Variants in E2F3 observed in about 807,000 individuals in gnomAD.
E2F3 encodes E2F transcription factor 3, also known as transcription factor E2F3.
A neutral mutation model predicts 44.4 loss-of-function variants in E2F3; 11 were observed. The ratio of observed to expected loss-of-function variants is 0.25; its 90% CI spans 0.16 to 0.41. The LOEUF (loss-of-function observed/expected upper bound fraction) is 0.41, where lower values mean the gene tolerates loss of function less well. E2F3 is among the 10% of genes least tolerant of loss of function. E2F3 has a pLI of 1.00. For synonymous variants in E2F3, 249 were observed against 253.0 expected, an observed-to-expected ratio of 0.98 and a Z score of 0.15; for missense variants, 487 against 583.6, an observed-to-expected ratio of 0.83 and a Z score of 1.70.
intron 4 of E2F3, 127 bp downstream of exon 4, chr6:20,483,047 G>T: frequency 7.6e-7 from 1 of 1,319,640 alleles, no homozygotes; most frequent in Non-Finnish European, 1.1e-6. Context: ...CTGTGTGCCT[G>T]TGTGTGTATG....
In E2F3 at chr6:20,468,320, G is replaced by A. The variant is rs181743973; in HGVS notation, c.394-11526G>A. Among the ~76,000 whole-genome samples, 13 of 152,290 alleles carry A rather than the reference G, an allele frequency of 8.5e-5. No individual in the cohort carries two copies. In the East Asian group the frequency reaches 1.7e-3, roughly 20 times the overall value. On this transcript the variant is annotated intron_variant, in intron 1 of 6. Transcript: ENST00000346618. Reference sequence around the variant, plus strand: ...ACCTGCTGTAAATCGGGGTTCCCGCGGCCCATTCCTCAGATTCAGTTAATT... The same window carrying A: ...ACCTGCTGTAAATCGGGGTTCCCGCAGCCCATTCCTCAGATTCAGTTAATT...
intron 1 of E2F3, among the ~76,000 whole-genome samples, chr6:20,475,014 C>T (rs1024117402): frequency 6.6e-6 from 1 of 152,202 alleles, no homozygotes; most frequent in Non-Finnish European, 1.5e-5. Flanking sequence ...CCTATAAGTC[C>T]ACCCCAAGTT....
At chr6:20,438,747 C>T (rs1760674877) in intron 1 of E2F3, among the ~76,000 whole-genome samples, 1 of 152,154 alleles carries the variant, frequency 6.6e-6, no homozygotes, top group African/African-American at 2.4e-5. Context: ...GCAATTTGGG[C>T]ACCAGAGTGG....
intron 1 of E2F3, among the ~76,000 whole-genome samples, chr6:20,445,982 C>T (rs1414825167): frequency 6.6e-6 from 1 of 152,188 alleles, no homozygotes; most frequent in African/African-American, 2.4e-5. Flanking sequence ...TCGTACACAG[C>T]CAGAGTCACT....
chr6:20,484,437 G>A lies in E2F3; in HGVS notation c.884+1517G>A, dbSNP rs772922054. Reference sequence around the variant, plus strand: ...TTTTACACTTGATCTTAGCCAAAAGGCCAAGAAGTGATGAGTTTTTATTTT... The same window carrying A: ...TTTTACACTTGATCTTAGCCAAAAGACCAAGAAGTGATGAGTTTTTATTTT... On this transcript the variant is annotated intron_variant, in intron 4 of 6. Coordinates refer to ENST00000346618, the MANE Select transcript of E2F3 (RefSeq NM_001949.5). Among the ~76,000 whole-genome samples, 79 of 152,164 alleles carry A rather than the reference G, an allele frequency of 5.2e-4. 1 individual carries two copies. The highest frequency in any genetic ancestry group is 1.5e-4 in the Non-Finnish European group (10 of 68,036).
At chr6:20,461,347 A>G (rs958895294) in intron 1 of E2F3, among the ~76,000 whole-genome samples, 1 of 152,052 alleles carries the variant, frequency 6.6e-6, no homozygotes, top group Non-Finnish European at 1.5e-5. Context: ...CAAAAAACTT[A>G]GCCAGTTGTG....
chr6:20,447,730 C>T (rs1760996954), intron 1 of E2F3, among the ~76,000 whole-genome samples: 1 of 152,176 alleles, frequency 6.6e-6, no homozygotes, highest in South Asian at 2.1e-4. Flanking sequence ...CACATTCATT[C>T]ATTGTAAACA....
intron 1 of E2F3, chr6:20,403,691 CCT>C (rs1561843812): frequency 3.3e-6 from 2 of 606,018 alleles, no homozygotes; most frequent in Non-Finnish European, 5.5e-6. Context: ...CGCCACCCTC[CCT>C]CTCCTCTCCC....
chr6:20,402,988 G>A lies in E2F3; in HGVS notation c.393+363G>A, dbSNP rs1368920479. 6.6e-6 allele frequency among the ~76,000 whole-genome samples: 1 copy of A among 152,140 alleles called. No homozygotes were observed. The highest frequency in any genetic ancestry group is 2.4e-5 in the African/African-American group (1 of 41,434). On this transcript the variant is annotated intron_variant, in intron 1 of 6. Transcript: ENST00000346618. The surrounding 1 kb of genome is among the most constrained non-coding windows in gnomAD (Gnocchi z 5.6). ...CGGGCGTAGGAAGGGGTCACGCCCCGGATGGAGAAGGGGGTGGGGGAGGGA... is the reference window on the plus strand; with the variant it reads ...CGGGCGTAGGAAGGGGTCACGCCCCAGATGGAGAAGGGGGTGGGGGAGGGA...
Position 20,457,218 on chromosome 6 carries a change from AGGCTG to A in E2F3, c.394-22626_394-22622del, listed in dbSNP as rs1278760717. On this transcript the variant is annotated intron_variant, in intron 1 of 6. Transcript: ENST00000346618. ...GAGAAGAAGTCTTACTCTGTTGCCC[AGGCTG>A]GAGTACAGTGGTCCCATCTTGGCTC... Among the ~76,000 whole-genome samples the A allele has an allele frequency of 4.6e-5, 7 of 151,934 alleles. No homozygotes were observed. The East Asian group carries it at 9.6e-4, about 21-fold the overall frequency.
intron 1 of E2F3, among the ~76,000 whole-genome samples, chr6:20,454,991 T>C (rs2127602971): frequency 6.6e-6 from 1 of 152,318 alleles, no homozygotes; most frequent in East Asian, 1.9e-4. Flanking sequence ...AGGATTTTTT[T>C]TTATTACCCA....
chr6:20,488,193 A>C lies in E2F3; in HGVS notation c.1080A>C (p.Pro360=). Residue 360 remains proline (P), a synonymous_variant, in exon 6 of 7, where the codon CCA becomes CCC. Coordinates refer to ENST00000346618, the MANE Select transcript of E2F3 (RefSeq NM_001949.5). ...LCPEETETHS[P]MKTNNQDHNG... ...CAGAAGAGACTGAAACACACAGTCC[A>C]ATGAAAACAAACAACCAAGACCACA... 1 of 1,611,896 alleles carries C rather than the reference A, an allele frequency of 6.2e-7. No homozygotes were observed. Among genetic ancestry groups the C allele is most frequent in the Non-Finnish European group, 8.5e-7 (1 of 1,179,526 alleles).
intron 1 of E2F3, among the ~76,000 whole-genome samples, chr6:20,428,716 C>T (rs1362709130): frequency 6.6e-6 from 1 of 152,142 alleles, no homozygotes; most frequent in African/African-American, 2.4e-5. Context: ...GATTAGTACA[C>T]AACTTCCACA....
chr6:20,485,155 A>T (rs1762350433), intron 4 of E2F3, among the ~76,000 whole-genome samples: 1 of 152,210 alleles, frequency 6.6e-6, no homozygotes, highest in Admixed American at 6.5e-5. Flanking sequence ...ACATATAAAA[A>T]ATAATAACGG....
chr6:20,403,675 CGGCA>C, intron 1 of E2F3: 11 of 551,544 alleles, frequency 2.0e-5, no homozygotes, highest in East Asian at 1.0e-4. Context: ...CACCCGCCCC[CGGCA>C]CCGCCACCCT....
chr6:20,418,288 A>G (rs769285398), intron 1 of E2F3, among the ~76,000 whole-genome samples: 6 of 152,212 alleles, frequency 3.9e-5, no homozygotes, highest in Non-Finnish European at 7.3e-5. Flanking sequence ...ATGGAACTAG[A>G]GATGCATTAT....
chr6:20,435,138 A>G (rs1469528618), intron 1 of E2F3, among the ~76,000 whole-genome samples: 1 of 152,144 alleles, frequency 6.6e-6, no homozygotes, highest in East Asian at 1.9e-4. Flanking sequence ...GTTTAGTGGT[A>G]TATCCATTTT....
At chr6:20,466,994 T>A (rs1232847056) in intron 1 of E2F3, among the ~76,000 whole-genome samples, 1 of 152,170 alleles carries the variant, frequency 6.6e-6, no homozygotes, top group East Asian at 1.9e-4. Flanking sequence ...GTGTTCTTAT[T>A]CACCTTATTT....
chr6:20,462,538 A>G (rs997596493), intron 1 of E2F3, among the ~76,000 whole-genome samples: 16 of 150,564 alleles, frequency 1.1e-4, no homozygotes, highest in Non-Finnish European at 1.5e-5. Context: ...GCTCACTGCA[A>G]CCTCCATCTC....
Sources: gnomAD v4.1 joint callset for allele counts (sites outside exome capture counted in the v4.1 genomes callset) on GRCh38, gnomAD v4.1.1 for gene constraint, Gnocchi (gnomAD v3.1) non-coding constraint, MANE v1.5 for transcripts, NCBI Gene and HGNC (gene_info 2026-07-23, HGNC 2026-07-21) for gene names.